The following ANO2 variants were observed in gnomAD, a reference collection of about 807,000 sequenced individuals.
The protein encoded by ANO2 is anoctamin 2, also known as anoctamin-2.
ANO2 carries 101 observed loss-of-function variants against 124.2 expected under a neutral mutation model. The observed-to-expected ratio is 0.81, with a 90% CI of 0.69 to 0.96. The LOEUF (loss-of-function observed/expected upper bound fraction) is 0.96. ANO2 is among the 40% of genes least tolerant of loss of function. The pLI is 0.00. For missense variants in ANO2, 1,293 were observed against 1,274.5 expected (o/e 1.01, Z -0.22); for synonymous variants, 486 against 482.5 (o/e 1.01, Z -0.09).
intron 3 of ANO2, among the ~76,000 whole-genome samples, chr12:5,878,222 T>C (rs1354160215): frequency 6.6e-6 from 1 of 152,232 alleles, no homozygotes; most frequent in Non-Finnish European, 1.5e-5. Context: ...ATGTATTTTA[T>C]CTCCAATTCT....
intron 7 of ANO2, among the ~76,000 whole-genome samples, chr12:5,821,577 T>C (rs1953799775): frequency 6.6e-6 from 1 of 152,212 alleles, no homozygotes; most frequent in African/African-American, 2.4e-5. Flanking sequence ...TTGGAGCCTC[T>C]GGCAAGTGAA....
chr12:5,582,008 G>A (rs761312625), intron 20 of ANO2, among the ~76,000 whole-genome samples: 4 of 152,156 alleles, frequency 2.6e-5, no homozygotes, highest in African/African-American at 9.7e-5. Context: ...TCCAAGACTC[G>A]CTCTTTTCAG....
intron 1 of ANO2, among the ~76,000 whole-genome samples, chr12:5,944,755 T>C (rs1943027041): frequency 6.6e-6 from 1 of 151,890 alleles, no homozygotes; most frequent in Non-Finnish European, 1.5e-5. Flanking sequence ...GATGCCAAAG[T>C]CAAATTTGCT....
chr12:5,722,720 G>A (rs965078392), intron 14 of ANO2, among the ~76,000 whole-genome samples: 3 of 152,036 alleles, frequency 2.0e-5, no homozygotes, highest in Non-Finnish European at 4.4e-5. Flanking sequence ...CATGACTTTC[G>A]TATGTGTGTG....
intron 14 of ANO2, among the ~76,000 whole-genome samples, chr12:5,675,438 T>A (rs1411188379): frequency 6.6e-6 from 1 of 152,172 alleles, no homozygotes; most frequent in African/African-American, 2.4e-5. Context: ...TAAATCAGGC[T>A]CTTAAGAAGC....
intron 16 of ANO2, among the ~76,000 whole-genome samples, chr12:5,625,109 A>G (rs1008337960): frequency 1.3e-5 from 2 of 152,198 alleles, no homozygotes; most frequent in Non-Finnish European, 2.9e-5. Context: ...CAGGAAGTAC[A>G]ACGGGAAGCT....
intron 3 of ANO2, among the ~76,000 whole-genome samples, chr12:5,861,920 CAG>C (rs1293570053): frequency 1.3e-5 from 2 of 152,156 alleles, no homozygotes; most frequent in Non-Finnish European, 2.9e-5. Flanking sequence ...AGCCTTGAGA[CAG>C]AGGGCTTTTG....
At chr12:5,603,830 A>G (rs1239585219) in intron 19 of ANO2, among the ~76,000 whole-genome samples, 1 of 150,732 alleles carries the variant, frequency 6.6e-6, no homozygotes, top group East Asian at 2.0e-4. Context: ...CTGTAGTCCC[A>G]GCTACTCGGG....
At chr12:5,870,306 G>A (rs1185332618) in intron 3 of ANO2, 1 of 152,218 alleles carries the variant, frequency 6.6e-6, no homozygotes, top group African/African-American at 2.4e-5. Flanking sequence ...CCCTTCCAGA[G>A]GTGCTTTCCC....
intron 3 of ANO2, among the ~76,000 whole-genome samples, chr12:5,911,846 A>T (rs1184919254): frequency 1.3e-5 from 2 of 152,242 alleles, no homozygotes; most frequent in African/African-American, 4.8e-5. Context: ...AAATTGAAAG[A>T]AATTATCCAA....
At chr12:5,638,328 T>C (rs913233917) in intron 15 of ANO2, among the ~76,000 whole-genome samples, 2 of 147,646 alleles carry the variant, frequency 1.4e-5, no homozygotes, top group East Asian at 2.1e-4. Context: ...CTCCGCCTCC[T>C]GGGTTCACGC....
intron 14 of ANO2, among the ~76,000 whole-genome samples, chr12:5,697,076 T>C (rs1388818797): frequency 6.6e-6 from 1 of 152,228 alleles, no homozygotes; most frequent in Non-Finnish European, 1.5e-5. Context: ...CCTACATTTT[T>C]ATTCAACACT....
At chr12:5,670,366 A>T (rs1357256627) in intron 14 of ANO2, among the ~76,000 whole-genome samples, 2 of 152,198 alleles carry the variant, frequency 1.3e-5, no homozygotes, top group African/African-American at 4.8e-5. Context: ...TGAAGTCCTC[A>T]TATTCTGGCA....
At chr12:5,576,910 T>C (rs981157097) in intron 22 of ANO2, among the ~76,000 whole-genome samples, 1 of 152,252 alleles carries the variant, frequency 6.6e-6, no homozygotes, top group Non-Finnish European at 1.5e-5. Context: ...ACTTGTTATA[T>C]GTCCTTTCAT....
intron 10 of ANO2, among the ~76,000 whole-genome samples, chr12:5,796,785 C>T (rs746324698): frequency 4.6e-5 from 7 of 152,204 alleles, no homozygotes; most frequent in Non-Finnish European, 1.0e-4. Flanking sequence ...TGTCTCAAAC[C>T]CCAAGACTCA....
At chr12:5,819,550 G>A (rs1323557991) in intron 7 of ANO2, among the ~76,000 whole-genome samples, 1 of 152,170 alleles carries the variant, frequency 6.6e-6, no homozygotes, top group Non-Finnish European at 1.5e-5. Flanking sequence ...ACTGTGGTGA[G>A]CTGAAAATGC....
intron 4 of ANO2, 84 bp downstream of exon 4, chr12:5,853,959 A>G (rs1955007645): frequency 1.1e-6 from 1 of 896,328 alleles, no homozygotes; most frequent in Admixed American, 2.5e-5. Flanking sequence ...CACAAAACCC[A>G]CATCCCACCT....
At chr12:5,685,657 G>A (rs1948672674) in intron 14 of ANO2, among the ~76,000 whole-genome samples, 1 of 152,178 alleles carries the variant, frequency 6.6e-6, no homozygotes, top group Non-Finnish European at 1.5e-5. Context: ...GGTGGTGCAT[G>A]CCACCCACAG....
At chr12:5,614,396 T>C (rs1944693301) in intron 17 of ANO2, among the ~76,000 whole-genome samples, 1 of 152,154 alleles carries the variant, frequency 6.6e-6, no homozygotes, top group African/African-American at 2.4e-5. Flanking sequence ...CTCTGAGTCA[T>C]GTGATACTAG....
Sources: gnomAD v4.1 joint callset for allele counts (sites outside exome capture counted in the v4.1 genomes callset) on GRCh38, gnomAD v4.1.1 for gene constraint, MANE v1.5 for transcripts, NCBI Gene and HGNC (gene_info 2026-07-23, HGNC 2026-07-21) for gene names.